Variants in LRFN5 observed in about 807,000 individuals in gnomAD.
The protein encoded by LRFN5 is leucine rich repeat and fibronectin type III domain containing 5.
In LRFN5, 24 loss-of-function variants were observed where a neutral mutation model predicts 45.6. The ratio of observed to expected loss-of-function variants is 0.53; its 90% CI spans 0.38 to 0.74. The LOEUF is 0.74. Among genes scored for constraint, LRFN5 ranks in the 30% least tolerant of loss-of-function variants. LRFN5 has a pLI of 0.00. For synonymous variants in LRFN5, 340 were observed against 313.8 expected (o/e 1.08, Z -0.88); for missense variants, 776 against 861.5 (o/e 0.90, Z 1.24).
chr14:41,650,672 TTA>T (rs1389476569), intron 1 of LRFN5, among the ~76,000 whole-genome samples: 15 of 152,244 alleles, frequency 9.9e-5, no homozygotes, highest in African/African-American at 3.6e-4. Flanking sequence ...TTATGTAGAT[TTA>T]TATGGGAATA....
At chr14:41,902,018 A>C (rs1167481886) in intron 5 of LRFN5, among the ~76,000 whole-genome samples, 1 of 152,028 alleles carries the variant, frequency 6.6e-6, no homozygotes, top group Non-Finnish European at 1.5e-5. Context: ...ACCTTTAGAA[A>C]TCATCTCCTT....
chr14:41,792,026 A>G (rs552361500), intron 2 of LRFN5, among the ~76,000 whole-genome samples: 36 of 152,156 alleles, frequency 2.4e-4, no homozygotes, highest in African/African-American at 8.2e-4. Flanking sequence ...TGTTCTTTCT[A>G]TTTTCCATAA....
intron 4 of LRFN5, chr14:41,894,212 T>A: frequency 1.0e-6 from 1 of 985,200 alleles, no homozygotes; most frequent in Non-Finnish European, 1.2e-6. Flanking sequence ...CATGCAACAT[T>A]AGCAAGGTTA....
At chr14:41,759,820 A>G (rs970226312) in intron 1 of LRFN5, among the ~76,000 whole-genome samples, 2 of 152,242 alleles carry the variant, frequency 1.3e-5, no homozygotes, top group African/African-American at 2.4e-5. Context: ...CACTGTGACA[A>G]TTAAGCATGT....
chr14:41,651,358 A>ACT (rs958982792), intron 1 of LRFN5, among the ~76,000 whole-genome samples: 2 of 152,202 alleles, frequency 1.3e-5, no homozygotes, highest in Admixed American at 1.3e-4. Flanking sequence ...CAAAAGGAGA[A>ACT]CACTCTCAAA....
intron 1 of LRFN5, among the ~76,000 whole-genome samples, chr14:41,640,063 G>A (rs1879503821): frequency 6.8e-6 from 1 of 147,054 alleles, no homozygotes; most frequent in East Asian, 2.1e-4. Flanking sequence ...GCTTCTCAAA[G>A]TGTTGGAATT....
At chr14:41,667,359 T>C (rs975278863) in intron 1 of LRFN5, among the ~76,000 whole-genome samples, 1 of 152,166 alleles carries the variant, frequency 6.6e-6, no homozygotes, top group African/African-American at 2.4e-5. Context: ...CAAGGAGGAT[T>C]TCTGATAAAG....
intron 1 of LRFN5, among the ~76,000 whole-genome samples, chr14:41,668,058 G>C (rs74045191): frequency 6.6e-6 from 1 of 152,094 alleles, no homozygotes; most frequent in East Asian, 1.9e-4. Flanking sequence ...CACTTATAAA[G>C]TGGAGGCAAT....
intron 1 of LRFN5, among the ~76,000 whole-genome samples, chr14:41,623,208 C>T (rs1888196744): frequency 6.6e-6 from 1 of 152,086 alleles, no homozygotes; most frequent in Non-Finnish European, 1.5e-5. Context: ...ACAAATAAAA[C>T]AGCCAAAATT....
At chr14:41,668,231 C>T (rs1468905196) in intron 1 of LRFN5, among the ~76,000 whole-genome samples, 1 of 152,120 alleles carries the variant, frequency 6.6e-6, no homozygotes, top group Non-Finnish European at 1.5e-5. Flanking sequence ...TGATTATTTT[C>T]ACTTAACTCT....
intron 4 of LRFN5, chr14:41,894,369 T>G (rs1890873263): frequency 2.3e-6 from 2 of 862,902 alleles, no homozygotes; most frequent in East Asian, 2.4e-4. Flanking sequence ...ATATGAGATT[T>G]ATTTTGTTTG....
At chr14:41,793,153 A>G (rs919929289) in intron 2 of LRFN5, among the ~76,000 whole-genome samples, 1 of 152,058 alleles carries the variant, frequency 6.6e-6, no homozygotes, top group African/African-American at 2.4e-5. Flanking sequence ...TATAATTAAA[A>G]AAAAAAGAAA....
chr14:41,613,952 T>C (rs1887846661), intron 1 of LRFN5, among the ~76,000 whole-genome samples: 2 of 152,164 alleles, frequency 1.3e-5, no homozygotes, highest in Admixed American at 1.3e-4. Flanking sequence ...AAGTAGGTTT[T>C]CCATGGATTT....
At chr14:41,732,823 G>C (rs1884237360) in intron 1 of LRFN5, among the ~76,000 whole-genome samples, 1 of 151,078 alleles carries the variant, frequency 6.6e-6, no homozygotes, top group Non-Finnish European at 1.5e-5. Context: ...AAGAATTAAA[G>C]GAACACATTG....
At chr14:41,761,946 G>T (rs1322648813) in intron 1 of LRFN5, among the ~76,000 whole-genome samples, 1 of 151,760 alleles carries the variant, frequency 6.6e-6, no homozygotes, top group African/African-American at 2.4e-5. Flanking sequence ...CAGAAATTTT[G>T]TAATTAAATT....
intron 1 of LRFN5, among the ~76,000 whole-genome samples, chr14:41,725,770 G>A (rs1883905487): frequency 6.6e-6 from 1 of 152,068 alleles, no homozygotes; most frequent in Admixed American, 6.5e-5. Flanking sequence ...GATCTTCCAG[G>A]CTCTGTATGT....
chr14:41,823,797 A>C (rs897178996), intron 2 of LRFN5, among the ~76,000 whole-genome samples: 1 of 152,184 alleles, frequency 6.6e-6, no homozygotes, highest in Admixed American at 6.5e-5. Flanking sequence ...CTTCTCTCTC[A>C]GAAATACCCA....
At chr14:41,788,575 C>T (rs939079209) in intron 2 of LRFN5, among the ~76,000 whole-genome samples, 9 of 151,990 alleles carry the variant, frequency 5.9e-5, no homozygotes, top group African/African-American at 1.9e-4. Context: ...GATGTTCCAT[C>T]TCCTCTCTCC....
Position 41,891,362 on chromosome 14 carries a change from A to G in LRFN5, c.1498A>G (p.Thr500Ala), listed in dbSNP as rs1161531791. The G allele has an allele frequency of 5.0e-6, 8 of 1,614,110 alleles. No homozygotes were observed. Among genetic ancestry groups the G allele is most frequent in the Non-Finnish European group, 6.8e-6 (8 of 1,180,030 alleles). Residue 500 changes from threonine (T) to alanine (A), a missense_variant, in exon 4 of 6, where the codon ACA becomes GCA. This residue lies in a region of LRFN5 where 465 missense variants were observed against 456.4 expected (regional missense o/e 1.02). Coordinates refer to ENST00000298119, the MANE Select transcript of LRFN5 (RefSeq NM_152447.5). The part of the protein sequence containing the change: ...YDDGITSLTA[T>A]RVVGCIQFTT... ...TGATGGCATCACTTCCCTCACTGCCACAAGAGTCGTGGGTTGCATCCAGTT... is the reference window on the plus strand; with the variant it reads ...TGATGGCATCACTTCCCTCACTGCCGCAAGAGTCGTGGGTTGCATCCAGTT...
Sources: allele counts gnomAD v4.1 joint callset (sites outside exome capture counted in the v4.1 genomes callset), GRCh38; gene constraint gnomAD v4.1.1; regional missense constraint gnomAD v4.1.1; transcripts MANE v1.5; gene names NCBI Gene and HGNC (gene_info 2026-07-23, HGNC 2026-07-21).